Variants in ARMC2 observed in about 807,000 individuals in gnomAD.
ARMC2 encodes the protein armadillo repeat-containing protein 2.
In ARMC2, 67 loss-of-function variants were observed where a neutral mutation model predicts 90.3. The ratio of observed to expected loss-of-function variants is 0.74; its 90% CI spans 0.61 to 0.91. The LOEUF is 0.91. Ranked by LOEUF, ARMC2 falls within the 40% of genes least tolerant of loss-of-function variation. The pLI is 0.00. For missense variants in ARMC2, 920 were observed against 1,030.9 expected, an observed-to-expected ratio of 0.89 and a Z score of 1.47; for synonymous variants, 393 against 393.0, an observed-to-expected ratio of 1.00 and a Z score of 0.00.
In ARMC2 at chr6:108,907,500, GTTAA is replaced by G. The variant is rs1325037044; in HGVS notation, c.1023+3098_1023+3101del. On this transcript the variant is annotated intron_variant, in intron 8 of 17. Coordinates refer to ENST00000392644, the MANE Select transcript of ARMC2 (RefSeq NM_032131.6). ...TTTACCAGTCATCTTTTATTTGGAGGTTAATTGCCATTAGGATATGAAAGAATTC... is the reference window on the plus strand; with the variant it reads ...TTTACCAGTCATCTTTTATTTGGAGGTTGCCATTAGGATATGAAAGAATTC... 5.6e-5 allele frequency: 32 copies of G among 566,816 alleles called. No individual in the cohort carries two copies. The African/African-American group carries it at 6.6e-4, about 12-fold the overall frequency. The allele number at this position is 566,816 out of a possible 1,614,324, so 35.1% of individuals were successfully genotyped here.
Position 108,964,155 on chromosome 6 carries a change from C to G in ARMC2, c.2153-25C>G, listed in dbSNP as rs775752481. On this transcript the variant is annotated intron_variant, in intron 15 of 17. Coordinates refer to ENST00000392644, the MANE Select transcript of ARMC2 (RefSeq NM_032131.6). ...CTGGGAATCCTGAACTTTTACTGGT[C>G]TGCATTTGCTCTCTTCCCTCGTAGT... is the stretch of plus-strand genomic sequence containing the variant. 1.0e-5 allele frequency: 16 copies of G among 1,602,362 alleles called. No homozygotes were observed. The Admixed American group carries it at 2.6e-4, about 26-fold the overall frequency.
At chr6:108,882,815 A>G (rs1272448572) in intron 5 of ARMC2, among the ~76,000 whole-genome samples, 1 of 152,238 alleles carries the variant, frequency 6.6e-6, no homozygotes, top group Non-Finnish European at 1.5e-5. Flanking sequence ...TCCTTTGCGT[A>G]TATTAAGTCA....
the ARMC2 span, among the ~76,000 whole-genome samples, chr6:109,009,820 C>T: frequency 6.6e-6 from 1 of 152,130 alleles, no homozygotes; most frequent in Admixed American, 6.5e-5. Context: ...CAGGAAGGTG[C>T]AGCACGAGTC....
At chr6:108,962,480 A>G (rs965834702) in intron 15 of ARMC2, among the ~76,000 whole-genome samples, 2 of 152,200 alleles carry the variant, frequency 1.3e-5, no homozygotes, top group Admixed American at 6.5e-5. Flanking sequence ...AACAACCTAA[A>G]TGTTCCTCAA....
At chr6:108,878,040 A>G (rs2128440334) in intron 5 of ARMC2, among the ~76,000 whole-genome samples, 1 of 152,190 alleles carries the variant, frequency 6.6e-6, no homozygotes, top group South Asian at 2.1e-4. Flanking sequence ...ATGAATCTTT[A>G]CCTCCTTTAA....
chr6:109,005,779 C>T, the ARMC2 span, among the ~76,000 whole-genome samples: 2 of 152,252 alleles, frequency 1.3e-5, no homozygotes, highest in East Asian at 3.9e-4. Context: ...ATAATACCAT[C>T]AATCCCAACT....
At chr6:108,989,530 TAG>T in the ARMC2 span, among the ~76,000 whole-genome samples, 11 of 103,484 alleles carry the variant, frequency 1.1e-4, no homozygotes, top group Non-Finnish European at 1.6e-4. Flanking sequence ...GAGATATCTA[TAG>T]AGATAGAGAT....
chr6:108,988,484 G>A, the ARMC2 span: 2 of 1,464,148 alleles, frequency 1.4e-6, no homozygotes, highest in South Asian at 2.7e-5. Context: ...TAGGTTAGGT[G>A]AAGGAGACTA....
intron 10 of ARMC2, among the ~76,000 whole-genome samples, chr6:108,921,395 G>A (rs941528768): frequency 2.0e-5 from 3 of 152,232 alleles, no homozygotes; most frequent in African/African-American, 4.8e-5. Context: ...GGACACCCAT[G>A]GTAGGGATGT....
At position 108,869,009 on chromosome 6, in the gene ARMC2, AC is replaced by A. The variant is rs1168000865; in HGVS notation, c.463+15del. 2 of 1,587,082 alleles carry A rather than the reference AC, an allele frequency of 1.3e-6. No individual in the cohort carries two copies. Among genetic ancestry groups the A allele is most frequent in the South Asian group, 2.3e-5 (2 of 87,488 alleles). On this transcript the variant is annotated intron_variant, in intron 4 of 17. Transcript: ENST00000392644. ...CTCCCTCCGACTGTAAGGCCATGTAACATCCTGTAATCTCTGGGGACAGGCA... is the reference window on the plus strand; with the variant it reads ...CTCCCTCCGACTGTAAGGCCATGTAAATCCTGTAATCTCTGGGGACAGGCA...
At chr6:109,030,197 G>C in the ARMC2 span, among the ~76,000 whole-genome samples, 6 of 152,258 alleles carry the variant, frequency 3.9e-5, no homozygotes, top group African/African-American at 1.4e-4. Flanking sequence ...CAGCACTTTA[G>C]TACATAACAA....
chr6:108,848,899 C>A (rs943798533), intron 1 of ARMC2: 1 of 152,196 alleles, frequency 6.6e-6, no homozygotes, highest in Non-Finnish European at 1.5e-5. Flanking sequence ...GGTAGAGAGA[C>A]GATGAGTGCC....
At chr6:109,038,321 C>T in the ARMC2 span, among the ~76,000 whole-genome samples, 1 of 152,154 alleles carries the variant, frequency 6.6e-6, no homozygotes, top group African/African-American at 2.4e-5. Flanking sequence ...AGTGAAACCT[C>T]GTCTCTACTA....
the ARMC2 span, among the ~76,000 whole-genome samples, chr6:109,023,704 A>G: frequency 1.8e-4 from 28 of 152,226 alleles, no homozygotes; most frequent in Non-Finnish European, 2.9e-4. Flanking sequence ...CTTTGCACAT[A>G]GAATACTAAA....
At chr6:108,874,178 G>A (rs1394009665) in intron 4 of ARMC2, among the ~76,000 whole-genome samples, 1 of 152,170 alleles carries the variant, frequency 6.6e-6, no homozygotes, top group Non-Finnish European at 1.5e-5. Context: ...TCAGGAATGA[G>A]AGTGAGCCCC....
At chr6:108,876,436 TG>T in intron 5 of ARMC2, 86 bp downstream of exon 5, 2 of 1,414,182 alleles carry the variant, frequency 1.4e-6, no homozygotes, top group Non-Finnish European at 1.9e-6. Flanking sequence ...ATGATTGGTT[TG>T]CTTTTTCTCT....
At chr6:109,033,869 T>C in the ARMC2 span, among the ~76,000 whole-genome samples, 1 of 152,162 alleles carries the variant, frequency 6.6e-6, no homozygotes, top group Non-Finnish European at 1.5e-5. Context: ...TTTCTGTTAG[T>C]GATAAGATGA....
chr6:108,998,537 C>T, the ARMC2 span: 21 of 1,613,576 alleles, frequency 1.3e-5, no homozygotes, highest in East Asian at 2.0e-4. Flanking sequence ...CTGAGTTGAC[C>T]GGCATCTCAT....
At chr6:108,955,968 A>G (rs939027735) in intron 13 of ARMC2, among the ~76,000 whole-genome samples, 4 of 152,166 alleles carry the variant, frequency 2.6e-5, no homozygotes, top group African/African-American at 4.8e-5. Flanking sequence ...GTAAAATGCC[A>G]TTAGAGTCTT....
Sources: gnomAD v4.1 joint callset for allele counts (sites outside exome capture counted in the v4.1 genomes callset) on GRCh38, gnomAD v4.1.1 for gene constraint, MANE v1.5 for transcripts, NCBI Gene and HGNC (gene_info 2026-07-23, HGNC 2026-07-21) for gene names.